The following NPLOC4 variants were observed in gnomAD, a reference collection of about 807,000 sequenced individuals.
NPLOC4 encodes the protein NPL4 homolog, ubiquitin recognition factor.
NPLOC4 carries 18 observed loss-of-function variants against 80.6 expected under a neutral mutation model. The observed-to-expected ratio is 0.22, with a 90% confidence interval of 0.15 to 0.33. The LOEUF is 0.33. NPLOC4 is among the 10% of genes least tolerant of loss of function. The pLI, the probability that NPLOC4 is intolerant of heterozygous loss-of-function variation, is 1.00. For missense variants in NPLOC4, 540 were observed against 786.1 expected (o/e 0.69, Z 3.74); for synonymous variants, 313 against 301.5 (o/e 1.04, Z -0.39).
intron 13 of NPLOC4, among the ~76,000 whole-genome samples, chr17:81,571,534 G>C (rs2034160446): frequency 6.6e-6 from 1 of 152,212 alleles, no homozygotes; most frequent in African/African-American, 2.4e-5. Context: ...GACCACCCTG[G>C]ACGGAGTGAC....
intron 12 of NPLOC4, among the ~76,000 whole-genome samples, chr17:81,576,614 A>G (rs2034309457): frequency 6.6e-6 from 1 of 152,228 alleles, no homozygotes; most frequent in Non-Finnish European, 1.5e-5. Flanking sequence ...AAAATATTTC[A>G]GCTTCTTTGT....
intron 12 of NPLOC4, among the ~76,000 whole-genome samples, chr17:81,574,148 C>T (rs1303838824): frequency 1.3e-5 from 2 of 152,228 alleles, no homozygotes; most frequent in Admixed American, 1.3e-4. Context: ...AATAAACCTG[C>T]AACAACTCAC....
At chr17:81,631,671 G>T (rs117526336) in intron 1 of NPLOC4, among the ~76,000 whole-genome samples, 1 of 151,972 alleles carries the variant, frequency 6.6e-6, no homozygotes, top group Non-Finnish European at 1.5e-5. Context: ...AACCATCCGC[G>T]GGACGGGAAG....
intron 14 of NPLOC4, among the ~76,000 whole-genome samples, chr17:81,568,804 C>T (rs964127620): frequency 1.3e-5 from 2 of 152,234 alleles, no homozygotes; most frequent in South Asian, 4.1e-4. Context: ...CCAGTCAGGA[C>T]GTCAGGGGAT....
intron 8 of NPLOC4, among the ~76,000 whole-genome samples, chr17:81,601,868 T>C (rs983397974): frequency 1.3e-5 from 2 of 152,200 alleles, no homozygotes; most frequent in Non-Finnish European, 2.9e-5. Flanking sequence ...GTACACCAGC[T>C]GTTACCCATG....
At chr17:81,621,199 G>A (rs2035657473) in intron 3 of NPLOC4, among the ~76,000 whole-genome samples, 1 of 152,030 alleles carries the variant, frequency 6.6e-6, no homozygotes, top group Non-Finnish European at 1.5e-5. Flanking sequence ...ATGAACCAGT[G>A]TCACTCTGGA....
intron 2 of NPLOC4, among the ~76,000 whole-genome samples, chr17:81,624,321 G>A (rs953699647): frequency 5.3e-5 from 8 of 152,176 alleles, no homozygotes; most frequent in African/African-American, 1.4e-4. Flanking sequence ...AGGAGGCTGC[G>A]GCAAGAGAAT....
intron 11 of NPLOC4, among the ~76,000 whole-genome samples, chr17:81,595,184 C>G (rs563451655): frequency 6.6e-5 from 10 of 152,046 alleles, no homozygotes; most frequent in African/African-American, 1.9e-4. Context: ...ATGTTGTAAT[C>G]CCAGCACTTT....
chr17:81,575,323 G>A (rs980000506), intron 12 of NPLOC4, among the ~76,000 whole-genome samples: 4 of 152,258 alleles, frequency 2.6e-5, no homozygotes, highest in Admixed American at 6.5e-5. Flanking sequence ...GGATGGTCTC[G>A]ATCTCCTGAC....
chr17:81,634,458 T>A lies in NPLOC4; in HGVS notation c.15+2458A>T, dbSNP rs142613855. On this transcript the variant is annotated intron_variant, in intron 1 of 16. Transcript: ENST00000331134. ...TTATACACTAGTGGGAAAAAAAAAA[T>A]GGCCTTGTCTGAAACACTTTTCACT... 5.8e-3 allele frequency among the ~76,000 whole-genome samples: 840 copies of A among 145,776 alleles called. 11 individuals are homozygous for A. Among genetic ancestry groups the A allele is most frequent in the African/African-American group, 0.02 (789 of 39,050 alleles).
At chr17:81,612,362 CA>C (rs1022811159) in intron 4 of NPLOC4, among the ~76,000 whole-genome samples, 3 of 152,166 alleles carry the variant, frequency 2.0e-5, no homozygotes, top group Non-Finnish European at 4.4e-5. Context: ...CTCACACACA[CA>C]CGCTCTCAAA....
intron 1 of NPLOC4, 145 bp from the exon 2 acceptor site, chr17:81,629,950 A>G (rs1188696580): frequency 1.6e-6 from 1 of 627,846 alleles, no homozygotes. Flanking sequence ...ACCCAGCTCA[A>G]TCCTTCTAGA....
intron 8 of NPLOC4, among the ~76,000 whole-genome samples, chr17:81,602,980 TACACAC>T (rs150613321): frequency 0.17 from 24,654 of 144,984 alleles, 2,318 homozygotes; most frequent in Admixed American, 0.27. Flanking sequence ...TATACACAAA[TACACAC>T]ACACACACAC....
chr17:81,597,968 G>A (rs2034962990), intron 9 of NPLOC4, among the ~76,000 whole-genome samples: 1 of 151,192 alleles, frequency 6.6e-6, no homozygotes, highest in Admixed American at 6.6e-5. Flanking sequence ...GGTGGCGGGT[G>A]CCTGTAGTCC....
chr17:81,587,299 C>T (rs1306615295), intron 12 of NPLOC4, among the ~76,000 whole-genome samples: 1 of 152,088 alleles, frequency 6.6e-6, no homozygotes, highest in African/African-American at 2.4e-5. Flanking sequence ...CATAGTGACA[C>T]CCTGTCTCTT....
intron 4 of NPLOC4, among the ~76,000 whole-genome samples, chr17:81,611,210 C>A (rs1298054272): frequency 6.6e-6 from 1 of 151,958 alleles, no homozygotes; most frequent in Admixed American, 6.6e-5. Context: ...ATGCCAGGAA[C>A]CAGGGAGGCT....
chr17:81,597,501 T>G (rs1360193848), intron 9 of NPLOC4, among the ~76,000 whole-genome samples, 185 bp from the exon 10 acceptor site: 1 of 151,648 alleles, frequency 6.6e-6, no homozygotes, highest in Non-Finnish European at 1.5e-5. Flanking sequence ...ATACAGAAAT[T>G]AGGCCGGGTG....
rs1289196854 is a variant in NPLOC4, at chr17:81,564,142, T to A, written c.1669+1363A>T. The A allele has an allele frequency of 1.8e-5, 5 of 283,044 alleles. No individual in the cohort carries two copies. The East Asian group carries it at 5.2e-4, about 30-fold the overall frequency. The allele number at this position is 283,044 out of a possible 1,614,324, so 17.5% of individuals were successfully genotyped here. ...CAAAGAGCAGGGCGGGCTGAAAAAC[T>A]ATTAGGTACTATGTGTAGTACCTGG... On this transcript the variant is annotated intron_variant, in intron 16 of 16. Coordinates refer to ENST00000331134, the MANE Select transcript of NPLOC4 (RefSeq NM_017921.4).
At chr17:81,559,689 G>A (rs187044467) in intron 16 of NPLOC4, among the ~76,000 whole-genome samples, 129 of 150,156 alleles carry the variant, frequency 8.6e-4, no homozygotes, top group East Asian at 4.0e-3. Flanking sequence ...TGTGAATAAC[G>A]TAACTCCCCG....
Sources: allele counts gnomAD v4.1 joint callset (sites outside exome capture counted in the v4.1 genomes callset), GRCh38; gene constraint gnomAD v4.1.1; transcripts MANE v1.5; gene names NCBI Gene and HGNC (gene_info 2026-07-23, HGNC 2026-07-21).